The following GLRA1 variants were observed in gnomAD, a reference collection of about 807,000 sequenced individuals.
GLRA1 encodes glycine receptor alpha 1, also known as glycine receptor subunit alpha-1.
Under a neutral mutation model 48.3 loss-of-function variants are expected in GLRA1, and 37 were observed. That is an observed-to-expected ratio of 0.77 (90% CI 0.59 to 1.01). The LOEUF (loss-of-function observed/expected upper bound fraction) is 1.01, where lower values mean the gene tolerates loss of function less well. Among genes scored for constraint, GLRA1 ranks in the 50% least tolerant of loss-of-function variants. The pLI is 0.00. For missense variants in GLRA1, 427 were observed against 571.0 expected (o/e 0.75, Z 2.57); for synonymous variants, 196 against 210.7 (o/e 0.93, Z 0.60).
intron 7 of GLRA1, chr5:151,849,196 CTTTTCTTTCTTTCCTTCCTTT>C (rs1752797654): frequency 1.5e-5 from 1 of 66,896 alleles, no homozygotes; most frequent in Non-Finnish European, 2.9e-5. Flanking sequence ...TCTTTTCTTT[CTTTTCTTTCTTTCCTTCCTTT>C]CTTCCTTCCT....
At chr5:151,921,342 T>C (rs569610201) in intron 1 of GLRA1, among the ~76,000 whole-genome samples, 3 of 152,374 alleles carry the variant, frequency 2.0e-5, no homozygotes, top group African/African-American at 7.2e-5. Flanking sequence ...TTGGTCATTC[T>C]GTACTGTGGT....
In GLRA1 at chr5:151,822,630, C is replaced by A; in HGVS notation, c.*43G>T. 1 of 1,362,850 alleles carries A rather than the reference C, an allele frequency of 7.3e-7. No homozygotes were observed. The highest frequency in any genetic ancestry group is 1.1e-6 in the Non-Finnish European group (1 of 951,640). The allele number at this position is 1,362,850 out of a possible 1,614,324, so 84.4% of individuals were successfully genotyped here. A position where few individuals can be genotyped will look rare whatever the true frequency, so the allele number is the denominator to read the frequency against. On this transcript the variant is annotated 3_prime_UTR_variant, in exon 9 of 9. Coordinates refer to ENST00000274576, the MANE Select transcript of GLRA1 (RefSeq NM_000171.4). ...TAGTCTCTCAGATTCCTGTGCTATTCCCACGTTCCCCTCTCCCAGCCTCCC... is the reference window on the plus strand; with the variant it reads ...TAGTCTCTCAGATTCCTGTGCTATTACCACGTTCCCCTCTCCCAGCCTCCC...
chr5:151,838,660 C>T (rs561778521), intron 7 of GLRA1, among the ~76,000 whole-genome samples: 1 of 152,018 alleles, frequency 6.6e-6, no homozygotes, highest in Non-Finnish European at 1.5e-5. Flanking sequence ...ATAAACAGCC[C>T]CAGAAACCTG....
intron 7 of GLRA1, among the ~76,000 whole-genome samples, chr5:151,831,761 A>C (rs1763432328): frequency 6.6e-6 from 1 of 152,230 alleles, no homozygotes; most frequent in South Asian, 2.1e-4. Context: ...CCAGCTCTGA[A>C]GAGAGCAGTG....
chr5:151,892,516 C>A (rs1338791949), intron 1 of GLRA1, 78 bp from the exon 2 acceptor site: 2 of 1,490,690 alleles, frequency 1.3e-6, no homozygotes, highest in East Asian at 4.6e-5. Context: ...CCTTGTCCAA[C>A]CTCTGTAGAA....
chr5:151,865,088 A>G (rs1753297018), intron 3 of GLRA1, among the ~76,000 whole-genome samples: 1 of 152,140 alleles, frequency 6.6e-6, no homozygotes, highest in African/African-American at 2.4e-5. Flanking sequence ...CTAACAGCTA[A>G]TTGTTGTTAG....
At position 151,869,930 on chromosome 5, in the gene GLRA1, C is replaced by G. The variant is rs933925537; in HGVS notation, c.253-9922G>C. Among the ~76,000 whole-genome samples the G allele has an allele frequency of 2.7e-5, 4 of 149,392 alleles. 1 individual carries two copies. The highest frequency in any genetic ancestry group is 1.0e-4 in the African/African-American group (4 of 38,882). On this transcript the variant is annotated intron_variant, in intron 3 of 8. Coordinates refer to ENST00000274576, the MANE Select transcript of GLRA1 (RefSeq NM_000171.4). ...AGGACTTCTGGTTCCCAATTTCACA[C>G]TCTTTTGACAATTATAGGCTGTATC...
rs1032285316 is a variant in GLRA1, at chr5:151,883,596, G to A, written c.252+3125C>T. Among the ~76,000 whole-genome samples the A allele has an allele frequency of 2.0e-4, 30 of 152,330 alleles. No individual in the cohort carries two copies. In the South Asian group the frequency reaches 2.5e-3, roughly 13 times the overall value. On this transcript the variant is annotated intron_variant, in intron 3 of 8. Coordinates refer to ENST00000274576, the MANE Select transcript of GLRA1 (RefSeq NM_000171.4). Reference sequence around the variant, plus strand: ...ACTACACACGTGGTGAAGGAATCACGTGAGAGCATGAATGTGAAAATGTGC... The same window carrying A: ...ACTACACACGTGGTGAAGGAATCACATGAGAGCATGAATGTGAAAATGTGC...
At chr5:151,903,704 C>T (rs1455992779) in intron 1 of GLRA1, among the ~76,000 whole-genome samples, 2 of 152,174 alleles carry the variant, frequency 1.3e-5, no homozygotes, top group Non-Finnish European at 2.9e-5. Context: ...AAAACTGACT[C>T]AGAGATTAAC....
intron 2 of GLRA1, among the ~76,000 whole-genome samples, 173 bp downstream of exon 2, chr5:151,892,138 T>C (rs561245949): frequency 6.6e-6 from 1 of 152,308 alleles, no homozygotes; most frequent in East Asian, 1.9e-4. Context: ...TGAGGCTTTG[T>C]CTGGGCTTGG....
intron 1 of GLRA1, among the ~76,000 whole-genome samples, chr5:151,914,029 T>C (rs949573046): frequency 6.6e-6 from 1 of 152,264 alleles, no homozygotes; most frequent in Non-Finnish European, 1.5e-5. Flanking sequence ...CTCCCTATGC[T>C]GTTTAATATT....
chr5:151,918,151 T>C (rs147980435), intron 1 of GLRA1, among the ~76,000 whole-genome samples: 1 of 152,184 alleles, frequency 6.6e-6, no homozygotes, highest in Non-Finnish European at 1.5e-5. Context: ...GTACCCCTCA[T>C]AAGAGCTTGC....
At chr5:151,837,153 A>G (rs530310630) in intron 7 of GLRA1, among the ~76,000 whole-genome samples, 12 of 152,358 alleles carry the variant, frequency 7.9e-5, no homozygotes, top group African/African-American at 2.4e-4. Flanking sequence ...TGGGCAAAGG[A>G]TATGAACAGA....
intron 1 of GLRA1, among the ~76,000 whole-genome samples, chr5:151,895,145 T>A (rs1740188671): frequency 6.6e-6 from 1 of 152,184 alleles, no homozygotes; most frequent in Admixed American, 6.5e-5. Flanking sequence ...TGCAGATGCA[T>A]AGTGAATTGG....
At position 151,912,280 on chromosome 5, in the gene GLRA1, T is replaced by C. The variant is rs551600703; in HGVS notation, c.56+12214A>G. Among the ~76,000 whole-genome samples, 42 of 150,800 alleles carry C rather than the reference T, an allele frequency of 2.8e-4. No homozygotes were observed. In the South Asian group the frequency reaches 7.4e-3, roughly 26 times the overall value. On this transcript the variant is annotated intron_variant, in intron 1 of 8. Coordinates refer to ENST00000274576, the MANE Select transcript of GLRA1 (RefSeq NM_000171.4). ...GAAGACTGTTTTTTTTTTTTTTTTT[T>C]CTACTAGATGTTTTAGGTCACATTG...
At chr5:151,865,263 C>T (rs1267489674) in intron 3 of GLRA1, among the ~76,000 whole-genome samples, 1 of 152,108 alleles carries the variant, frequency 6.6e-6, no homozygotes. Context: ...AGGGGTTAAA[C>T]GCAGGGTGCT....
chr5:151,837,606 A>G lies in GLRA1; in HGVS notation c.913-8539T>C, dbSNP rs568082320. On this transcript the variant is annotated intron_variant, in intron 7 of 8. Transcript: ENST00000274576. ...GACTGATAAAGAAAATGTGTCACAT[A>G]TACACTATGGAATACTATGCAGCCA... Among the ~76,000 whole-genome samples, 20 of 152,364 alleles carry G rather than the reference A, an allele frequency of 1.3e-4. No individual in the cohort carries two copies. In the South Asian group the frequency reaches 3.5e-3, roughly 27 times the overall value.
chr5:151,886,841 A>G, intron 2 of GLRA1, 53 bp from the exon 3 acceptor site: 1 of 1,281,326 alleles, frequency 7.8e-7, no homozygotes, highest in Non-Finnish European at 1.1e-6. Context: ...AAGAACCCAC[A>G]GGGTAGGACT....
chr5:151,849,102 T>TC (rs1752769512), intron 7 of GLRA1: 6 of 204,394 alleles, frequency 2.9e-5, no homozygotes, highest in Admixed American at 8.0e-5. Flanking sequence ...TTATTTCTTT[T>TC]CTTTTCTTTC....
Sources: allele counts gnomAD v4.1 joint callset (sites outside exome capture counted in the v4.1 genomes callset), GRCh38; gene constraint gnomAD v4.1.1; transcripts MANE v1.5; gene names NCBI Gene and HGNC (gene_info 2026-07-23, HGNC 2026-07-21).